The following GRM7 variants were observed in gnomAD, a reference collection of about 807,000 sequenced individuals.
The protein encoded by GRM7 is metabotropic glutamate receptor 7.
Under a neutral mutation model 84.5 loss-of-function variants are expected in GRM7, and 35 were observed. The ratio of observed to expected loss-of-function variants is 0.41; its 90% CI spans 0.32 to 0.55. The LOEUF is 0.55. Among genes scored for constraint, GRM7 ranks in the 20% least tolerant of loss-of-function variants. GRM7 has a pLI of 0.19. For synonymous variants in GRM7, 487 were observed against 455.1 expected (o/e 1.07, Z -0.89); for missense variants, 1,003 against 1,194.6 (o/e 0.84, Z 2.36).
At chr3:7,234,454 T>C (rs1483760323) in intron 2 of GRM7, among the ~76,000 whole-genome samples, 2 of 152,192 alleles carry the variant, frequency 1.3e-5, no homozygotes, top group Non-Finnish European at 2.9e-5. Flanking sequence ...AGTATCTGCC[T>C]CATAGAATTG....
At chr3:7,388,611 A>G (rs1271015223) in intron 4 of GRM7, among the ~76,000 whole-genome samples, 4 of 151,844 alleles carry the variant, frequency 2.6e-5, no homozygotes, top group Non-Finnish European at 4.4e-5. Context: ...TACTGCTTCA[A>G]TTTTATTACT....
At chr3:7,163,690 A>G (rs555324540) in intron 2 of GRM7, among the ~76,000 whole-genome samples, 1 of 152,204 alleles carries the variant, frequency 6.6e-6, no homozygotes, top group African/African-American at 2.4e-5. Flanking sequence ...AAATAAAGAG[A>G]TGAATTAAAT....
intron 8 of GRM7, among the ~76,000 whole-genome samples, chr3:7,678,021 C>T (rs1161970311): frequency 6.6e-6 from 1 of 152,058 alleles, no homozygotes; most frequent in Non-Finnish European, 1.5e-5. Context: ...TTATAAGGTG[C>T]AGCTTAACAT....
intron 5 of GRM7, among the ~76,000 whole-genome samples, chr3:7,437,504 A>G (rs1303956226): frequency 6.6e-6 from 1 of 152,114 alleles, no homozygotes; most frequent in Non-Finnish European, 1.5e-5. Context: ...GATAGTACTA[A>G]CTAGAGTTAT....
chr3:7,435,846 C>G (rs940153015), intron 5 of GRM7, among the ~76,000 whole-genome samples: 2 of 145,542 alleles, frequency 1.4e-5, no homozygotes, highest in Non-Finnish European at 3.0e-5. Context: ...CGCCACCACA[C>G]CCATCTTTTT....
At chr3:7,201,888 A>G (rs1416838788) in intron 2 of GRM7, among the ~76,000 whole-genome samples, 1 of 152,226 alleles carries the variant, frequency 6.6e-6, no homozygotes, top group African/African-American at 2.4e-5. Flanking sequence ...TGCCCTCTTT[A>G]TATAATGAAT....
intron 5 of GRM7, 54 bp from the exon 6 acceptor site, chr3:7,452,553 C>A (rs1385501953): frequency 2.6e-6 from 3 of 1,160,632 alleles, no homozygotes; most frequent in Admixed American, 1.8e-5. Flanking sequence ...CTACTCAATG[C>A]CAATTTGTGT....
intron 2 of GRM7, among the ~76,000 whole-genome samples, chr3:7,237,129 G>A (rs1458327843): frequency 2.6e-5 from 4 of 152,150 alleles, no homozygotes; most frequent in African/African-American, 9.7e-5. Flanking sequence ...CTGAAACTCA[G>A]AAGAGGTGCC....
At chr3:7,574,310 C>A (rs1448458098) in intron 7 of GRM7, among the ~76,000 whole-genome samples, 1 of 151,924 alleles carries the variant, frequency 6.6e-6, no homozygotes, top group Non-Finnish European at 1.5e-5. Context: ...CAGGTGCCCA[C>A]CCCCATGCCT....
At chr3:7,041,034 C>T (rs542768434) in intron 1 of GRM7, among the ~76,000 whole-genome samples, 8 of 148,134 alleles carry the variant, frequency 5.4e-5, no homozygotes, top group South Asian at 2.1e-4. Flanking sequence ...AAGCCATGAT[C>T]GTGCCACTGC....
At chr3:7,288,647 G>A (rs1386740886) in intron 2 of GRM7, among the ~76,000 whole-genome samples, 1 of 152,108 alleles carries the variant, frequency 6.6e-6, no homozygotes, top group Non-Finnish European at 1.5e-5. Context: ...ACCAATAAAA[G>A]CAGTTATTAT....
intron 4 of GRM7, among the ~76,000 whole-genome samples, chr3:7,362,540 A>C (rs959508967): frequency 1.3e-5 from 2 of 151,990 alleles, no homozygotes; most frequent in African/African-American, 4.8e-5. Context: ...TGATTCCTAC[A>C]TGGACTGCCT....
chr3:7,220,393 C>A (rs1559509244), intron 2 of GRM7, among the ~76,000 whole-genome samples: 1 of 152,132 alleles, frequency 6.6e-6, no homozygotes, highest in African/African-American at 2.4e-5. Flanking sequence ...CCTCAAAATG[C>A]CAGACCAGAC....
At position 6,922,195 on chromosome 3, in the gene GRM7, A is replaced by G. The variant is rs554077589; in HGVS notation, c.519+60288A>G. Among the ~76,000 whole-genome samples the G allele has an allele frequency of 1.6e-3, 250 of 152,328 alleles. 3 individuals are homozygous for G. Among genetic ancestry groups the G allele is most frequent in the Non-Finnish European group, 2.2e-3 (150 of 68,026 alleles). ...ATAGCCCATGCTTTTAACCTATCAT[A>G]CTACTTAAACTTCCTCACCTGCCAG... On this transcript the variant is annotated intron_variant, in intron 1 of 9. Transcript: ENST00000357716.
At position 7,188,309 on chromosome 3, in the gene GRM7, A is replaced by T. The variant is rs1279960116; in HGVS notation, c.736+41641A>T. ...AAAATAGAAATTATAGACCCAAAGA[A>T]CTTTATAGGTAGGTATGTTATATAA... On this transcript the variant is annotated intron_variant, in intron 2 of 9. Coordinates refer to ENST00000357716, the MANE Select transcript of GRM7 (RefSeq NM_000844.4). The surrounding 1 kb of genome is among the most constrained non-coding windows in gnomAD (Gnocchi z 4.2). Among the ~76,000 whole-genome samples the T allele has an allele frequency of 3.9e-5, 6 of 152,254 alleles. No individual in the cohort carries two copies. The South Asian group carries it at 6.2e-4, about 16-fold the overall frequency.
In GRM7 at chr3:7,608,453, G is replaced by C. The variant is rs535823147; in HGVS notation, c.2451+29096G>C. ...TGAGATGGTATCTCATTGTGGTTTT[G>C]ATTTGCATTTCTCTAATGATCAGTG... is the stretch of plus-strand genomic sequence containing the variant. On this transcript the variant is annotated intron_variant, in intron 8 of 9. Transcript: ENST00000357716. Among the ~76,000 whole-genome samples the C allele has an allele frequency of 1.4e-4, 22 of 151,932 alleles. No homozygotes were observed. The South Asian group carries it at 2.3e-3, about 16-fold the overall frequency.
intron 8 of GRM7, among the ~76,000 whole-genome samples, chr3:7,592,542 G>T (rs141617394): frequency 4.6e-5 from 7 of 152,280 alleles, no homozygotes; most frequent in African/African-American, 1.7e-4. Context: ...GGGCACCAGC[G>T]CATGCAGAAT....
chr3:7,559,832 C>T (rs923121398), intron 7 of GRM7, among the ~76,000 whole-genome samples: 1 of 152,006 alleles, frequency 6.6e-6, no homozygotes, highest in African/African-American at 2.4e-5. Context: ...ATCAAAGTGC[C>T]ATCAGTATTG....
intron 1 of GRM7, among the ~76,000 whole-genome samples, chr3:6,887,370 T>TC (rs1360278883): frequency 6.1e-4 from 93 of 152,066 alleles, no homozygotes; most frequent in African/African-American, 2.1e-3. Flanking sequence ...CCTAATGCTA[T>TC]CCCTCCCCCC....
Sources: allele counts gnomAD v4.1 joint callset (sites outside exome capture counted in the v4.1 genomes callset), GRCh38; gene constraint gnomAD v4.1.1; non-coding constraint Gnocchi (gnomAD v3.1); transcripts MANE v1.5; gene names NCBI Gene and HGNC (gene_info 2026-07-23, HGNC 2026-07-21).